The following KMT2C variants were observed in gnomAD, a reference collection of about 807,000 sequenced individuals.
KMT2C encodes histone-lysine N-methyltransferase 2C.
In KMT2C, 88 loss-of-function variants were observed where a neutral mutation model predicts 507.9. The observed-to-expected ratio is 0.17, with a 90% CI of 0.15 to 0.21. KMT2C has a LOEUF of 0.21. KMT2C is among the 10% of genes least tolerant of loss of function. The pLI, the probability that KMT2C is intolerant of heterozygous loss-of-function variation, is 1.00. For synonymous variants in KMT2C, 2,049 were observed against 2,080.8 expected (o/e 0.98, Z 0.42); for missense variants, 4,954 against 5,957.8 (o/e 0.83, Z 5.55).
rs2129114827 is a variant in KMT2C at position 152,177,449 on chromosome 7, A to G, written c.8004T>C (p.Ser2668=). Residue 2668 remains serine, a synonymous_variant, in exon 38 of 59, where the codon TCT becomes TCC. Coordinates refer to ENST00000262189, the MANE Select transcript of KMT2C (RefSeq NM_170606.3). The part of the protein sequence containing the change: ...SEAPLSTSVP[S]ETTSDNLQIT... ...TCTGTAAATTATCAGACGTTGTTTCAGACGGTACAGATGTTGACAAAGGAG... is the reference window on the plus strand; with the variant it reads ...TCTGTAAATTATCAGACGTTGTTTCGGACGGTACAGATGTTGACAAAGGAG... 6.2e-7 allele frequency: 1 copy of G among 1,614,188 alleles called. No individual in the cohort carries two copies. Among genetic ancestry groups the G allele is most frequent in the Non-Finnish European group, 8.5e-7 (1 of 1,180,022 alleles).
chr7:152,216,050 C>T (rs1293656041), intron 23 of KMT2C, among the ~76,000 whole-genome samples: 1 of 152,168 alleles, frequency 6.6e-6, no homozygotes, highest in Non-Finnish European at 1.5e-5. Flanking sequence ...AGTCCCCTCC[C>T]TCCATTCAGT....
rs149089370 is a variant in KMT2C, at chr7:152,325,031, A to G, written c.389+5570T>C. Among the ~76,000 whole-genome samples, 68 of 152,132 alleles carry G rather than the reference A, an allele frequency of 4.5e-4. 1 individual carries two copies. Among genetic ancestry groups the G allele is most frequent in the African/African-American group, 4.8e-4 (20 of 41,572 alleles). The stretch of plus-strand genomic sequence containing the variant: ...GCTTCATTTTTAAATACATATGAAC[A>G]TAAGTTCTTTGTTAGTTATATGCTT... On this transcript the variant is annotated intron_variant, in intron 3 of 58. Transcript: ENST00000262189.
chr7:152,399,123 C>T (rs2116596226), intron 1 of KMT2C, among the ~76,000 whole-genome samples: 1 of 152,286 alleles, frequency 6.6e-6, no homozygotes, highest in South Asian at 2.1e-4. Flanking sequence ...ACCACCGCAC[C>T]CAGCCAGTAC....
chr7:152,221,014 G>T (rs1257876111), intron 22 of KMT2C, among the ~76,000 whole-genome samples: 1 of 152,158 alleles, frequency 6.6e-6, no homozygotes, highest in South Asian at 2.1e-4. Context: ...CAGCACTTTG[G>T]GGGGCCGAGG....
chr7:152,162,357 A>G lies in KMT2C; in HGVS notation c.11220T>C (p.Asn3740=). ...CAGCGTTTCCTTCTACCTTACTACC[A>G]TTCTGTTCCTCCAATTTAGGCTCCT... The part of the protein sequence containing the change: ...GQEEPKLEEQ[N]GSKVEGNAVA... Residue 3740 remains asparagine, a synonymous_variant, in exon 43 of 59, where the codon AAT becomes AAC. Transcript: ENST00000262189. The G allele has an allele frequency of 6.2e-7, 1 of 1,614,176 alleles. No homozygotes were observed. Among genetic ancestry groups the G allele is most frequent in the East Asian group, 2.2e-5 (1 of 44,886 alleles).
At chr7:152,273,643 C>A in intron 7 of KMT2C, 62 bp downstream of exon 7, 1 of 1,607,888 alleles carries the variant, frequency 6.2e-7, no homozygotes, top group African/African-American at 1.3e-5. Flanking sequence ...GAATTTACAA[C>A]ATTTGTTATT....
intron 16 of KMT2C, among the ~76,000 whole-genome samples, chr7:152,233,582 G>A (rs1436623074): frequency 6.6e-6 from 1 of 152,146 alleles, no homozygotes; most frequent in Non-Finnish European, 1.5e-5. Context: ...GCTGACTCAA[G>A]AAGGTCAATA....
chr7:152,383,090 A>G (rs2097387866), intron 1 of KMT2C, among the ~76,000 whole-genome samples: 1 of 152,310 alleles, frequency 6.6e-6, no homozygotes, highest in African/African-American at 2.4e-5. Flanking sequence ...ATATTTGTAT[A>G]CATTTTTCTA....
chr7:152,314,244 T>C (rs974398245), intron 4 of KMT2C, among the ~76,000 whole-genome samples: 2 of 152,104 alleles, frequency 1.3e-5, no homozygotes, highest in African/African-American at 4.8e-5. Flanking sequence ...ATCAAATAAG[T>C]ACAACACAAC....
At position 152,387,650 on chromosome 7, in the gene KMT2C, T is replaced by C. The variant is rs1330709759; in HGVS notation, c.162-28975A>G. The stretch of plus-strand genomic sequence containing the variant: ...CATACCCGGCTAATTTTTTGTATTT[T>C]TTAGTAGAGACCGGGTTTCACCGTG... On this transcript the variant is annotated intron_variant, in intron 1 of 58. Coordinates refer to ENST00000262189, the MANE Select transcript of KMT2C (RefSeq NM_170606.3). Among the ~76,000 whole-genome samples the C allele has an allele frequency of 2.6e-5, 4 of 152,236 alleles. No homozygotes were observed. The South Asian group carries it at 8.3e-4, about 31-fold the overall frequency.
intron 2 of KMT2C, among the ~76,000 whole-genome samples, chr7:152,331,144 C>CA (rs1200657553): frequency 6.6e-6 from 1 of 151,842 alleles, no homozygotes; most frequent in Non-Finnish European, 1.5e-5. Flanking sequence ...CTCATCTCAA[C>CA]AAAAAATGTA....
At chr7:152,259,446 GCACACACACACACACA>G (rs372982101) in intron 9 of KMT2C, among the ~76,000 whole-genome samples, 36 of 134,788 alleles carry the variant, frequency 2.7e-4, no homozygotes, top group East Asian at 2.5e-3. Context: ...ACACACACGC[GCACACACACACACACA>G]CACACACACA....
intron 2 of KMT2C, among the ~76,000 whole-genome samples, chr7:152,338,078 A>T (rs1216632434): frequency 6.6e-6 from 1 of 151,854 alleles, no homozygotes; most frequent in Non-Finnish European, 1.5e-5. Context: ...CAGGATGGTC[A>T]CGATCTCCTG....
At chr7:152,178,614 G>A (rs1301558482) in intron 37 of KMT2C, among the ~76,000 whole-genome samples, 1 of 151,834 alleles carries the variant, frequency 6.6e-6, no homozygotes, top group Non-Finnish European at 1.5e-5. Context: ...AACTTACACA[G>A]AATACAAAGC....
chr7:152,230,292 C>T lies in KMT2C; in HGVS notation c.2799G>A (p.Lys933=), dbSNP rs1337803178. 5.0e-6 allele frequency: 8 copies of T among 1,590,222 alleles called. No individual in the cohort carries two copies. The South Asian group carries it at 9.0e-5, about 18-fold the overall frequency. The change falls in exon 17 of 59, where the codon AAG becomes AAA. Residue 933 remains lysine (K), a synonymous_variant. Coordinates refer to ENST00000262189, the MANE Select transcript of KMT2C (RefSeq NM_170606.3). ...GVSTADISSN[K]DDEENSMHNT... ...TGTGCATAGAGTTTTCTTCATCATC[C>T]TTATTTGATGAAATATCTGCAGTAG... is the stretch of plus-strand genomic sequence containing the variant.
At chr7:152,364,934 GACACACAC>G (rs71198778) in intron 1 of KMT2C, among the ~76,000 whole-genome samples, 2,562 of 138,148 alleles carry the variant, frequency 0.019, 24 homozygotes, top group Non-Finnish European at 0.029. Context: ...GAAACAGACA[GACACACAC>G]ACACACACAC....
chr7:152,175,351 C>A (rs1047641045), intron 38 of KMT2C, among the ~76,000 whole-genome samples: 1 of 151,686 alleles, frequency 6.6e-6, no homozygotes, highest in African/African-American at 2.4e-5. Flanking sequence ...ACTTTAAATT[C>A]TGGGATACTT....
At chr7:152,169,327 GA>G (rs1236281897) in intron 40 of KMT2C, 78 bp from the exon 41 acceptor site, 11 of 764,364 alleles carry the variant, frequency 1.4e-5, no homozygotes, top group Non-Finnish European at 2.2e-5. Flanking sequence ...AAGAAAGAAA[GA>G]AAAAAAGAAA....
In KMT2C at chr7:152,177,584, T is replaced by C. The variant is rs1187767283; in HGVS notation, c.7869A>G (p.Pro2623=). 2.5e-6 allele frequency: 4 copies of C among 1,614,182 alleles called. No homozygotes were observed. The highest frequency in any genetic ancestry group is 8.5e-7 in the Non-Finnish European group (1 of 1,180,028). The change falls in exon 38 of 59, where the codon CCA becomes CCG. Residue 2623 remains proline (P), a synonymous_variant. Coordinates refer to ENST00000262189, the MANE Select transcript of KMT2C (RefSeq NM_170606.3). ...GAGATGGTGGCACTTGTTCCAAATCTGGGTGCACAGGTAGCTGATTAGGTA... is the reference window on the plus strand; with the variant it reads ...GAGATGGTGGCACTTGTTCCAAATCCGGGTGCACAGGTAGCTGATTAGGTA... ...QGLPNQLPVH[P]DLEQVPPSQQ...
Sources: gnomAD v4.1 joint callset for allele counts (sites outside exome capture counted in the v4.1 genomes callset) on GRCh38, gnomAD v4.1.1 for gene constraint, MANE v1.5 for transcripts, NCBI Gene and HGNC (gene_info 2026-07-23, HGNC 2026-07-21) for gene names.